The following LAMP2 variants were observed in gnomAD, a reference collection of about 807,000 sequenced individuals.
The protein encoded by LAMP2 is lysosome associated membrane protein 2.
LAMP2 carries 4 observed loss-of-function variants against 25.6 expected under a neutral mutation model. The ratio of observed to expected loss-of-function variants is 0.16; its 90% CI spans 0.08 to 0.36. The LOEUF (loss-of-function observed/expected upper bound fraction) is 0.36, where lower values mean the gene tolerates loss of function less well. Ranked by LOEUF, LAMP2 falls within the 10% of genes least tolerant of loss-of-function variation. The pLI is 1.00. For missense variants in LAMP2, 272 were observed against 301.4 expected, an observed-to-expected ratio of 0.90 and a Z score of 0.72; for synonymous variants, 108 against 112.7, an observed-to-expected ratio of 0.96 and a Z score of 0.27.
chrX:120,463,915 G>A (rs1205783797), intron 1 of LAMP2, among the ~76,000 whole-genome samples: 2 of 96,733 alleles, frequency 2.1e-5, no homozygotes, highest in East Asian at 3.3e-4. Context: ...TCTGTTTTTC[G>A]TTTTTTTTTT....
chrX:120,441,614 T>G (rs954159453), intron 8 of LAMP2, 116 bp downstream of exon 8: 1 of 612,210 alleles, frequency 1.6e-6, no homozygotes, highest in Non-Finnish European at 2.6e-6. Context: ...CACAATTTGG[T>G]CAAGGCTATG....
At chrX:120,466,814 T>C (rs1569373898) in intron 1 of LAMP2, among the ~76,000 whole-genome samples, 1 of 107,900 alleles carries the variant, frequency 9.3e-6, no homozygotes, top group Non-Finnish European at 1.9e-5. Flanking sequence ...AGGATGAGAG[T>C]GAAAAGGACA....
chrX:120,434,042 C>T (rs2058532914), intron 8 of LAMP2, among the ~76,000 whole-genome samples: 1 of 111,921 alleles, frequency 8.9e-6, no homozygotes, highest in Non-Finnish European at 1.9e-5. Context: ...CCAGATGTGA[C>T]CTGTGAATAG....
At chrX:120,466,555 T>G (rs1259923755) in intron 1 of LAMP2, among the ~76,000 whole-genome samples, 1 of 111,878 alleles carries the variant, frequency 8.9e-6, no homozygotes, top group Non-Finnish European at 1.9e-5. Context: ...CTTTCAGAAG[T>G]GCTACAGAAG....
rs1170179224 is a variant in LAMP2 at position 120,428,989 on chromosome X, ATAAT to A, written c.*2330_*2333del. On this transcript the variant is annotated 3_prime_UTR_variant, in exon 9 of 9. Transcript: ENST00000200639. ...TACTCTCTTTCTCTTCGTCACACCT[ATAAT>A]TAAAGTATAAATAAGAATTCTGTAT... The A allele has an allele frequency of 3.0e-6, 2 of 671,491 alleles. No homozygotes were observed. Among genetic ancestry groups the A allele is most frequent in the Admixed American group, 1.8e-4 (2 of 10,876 alleles). 55.3% of individuals were successfully genotyped at this position (671,491 alleles called of 1,213,427 possible).
At chrX:120,450,931 A>G (rs1300349542) in intron 3 of LAMP2, among the ~76,000 whole-genome samples, 1 of 109,705 alleles carries the variant, frequency 9.1e-6, no homozygotes, top group East Asian at 2.8e-4. Flanking sequence ...ACTTATATAT[A>G]TATAATTTTT....
At chrX:120,457,461 C>T (rs908110094) in intron 1 of LAMP2, among the ~76,000 whole-genome samples, 13 of 112,024 alleles carry the variant, frequency 1.2e-4, no homozygotes, top group African/African-American at 4.2e-4. Context: ...CTGATAAATG[C>T]AAAGTTCATC....
chrX:120,434,289 A>G (rs189025712), intron 8 of LAMP2, among the ~76,000 whole-genome samples: 2 of 112,390 alleles, frequency 1.8e-5, no homozygotes, highest in Non-Finnish European at 3.8e-5. Flanking sequence ...AATACTGCCA[A>G]TAAGGCTTTC....
chrX:120,434,534 A>G (rs147395214), intron 8 of LAMP2, among the ~76,000 whole-genome samples: 1,132 of 112,335 alleles, frequency 0.01, 16 homozygotes, highest in African/African-American at 0.034. Flanking sequence ...ATCTCATCCT[A>G]TAAGTCATTT....
In LAMP2 at chrX:120,428,587, A is replaced by G. The variant is rs1057515738; in HGVS notation, c.*2736T>C. On this transcript the variant is annotated 3_prime_UTR_variant, in exon 9 of 9. Coordinates refer to ENST00000200639, the MANE Select transcript of LAMP2 (RefSeq NM_002294.3). ...CAAGGCCACACCCACTGCAACAGGA[A>G]TAAGAAAGTTGAGGTCAGAGTCAGC... 2.2e-5 allele frequency: 26 copies of G among 1,199,938 alleles called. No homozygotes were observed. Among genetic ancestry groups the G allele is most frequent in the Middle Eastern group, 2.3e-4 (1 of 4,328 alleles).
intron 4 of LAMP2, 40 bp downstream of exon 4, chrX:120,448,930 T>G: frequency 8.7e-7 from 1 of 1,154,218 alleles, no homozygotes; most frequent in Non-Finnish European, 1.2e-6. Flanking sequence ...ACTCTACTCT[T>G]AAATTAGGAT....
At chrX:120,464,100 C>G (rs1921440471) in intron 1 of LAMP2, among the ~76,000 whole-genome samples, 1 of 110,978 alleles carries the variant, frequency 9.0e-6, no homozygotes, top group Admixed American at 9.6e-5. Context: ...GAAAACCTAA[C>G]TCTCCTCACC....
intron 1 of LAMP2, among the ~76,000 whole-genome samples, chrX:120,459,887 C>T (rs1427847078): frequency 8.9e-6 from 1 of 112,110 alleles, no homozygotes; most frequent in East Asian, 2.8e-4. Context: ...GGAAGCATTA[C>T]CAACAACATA....
In LAMP2 at chrX:120,429,621, T is replaced by TA. The variant is rs373005118; in HGVS notation, c.*1701dup. On this transcript the variant is annotated 3_prime_UTR_variant, in exon 9 of 9. Coordinates refer to ENST00000200639, the MANE Select transcript of LAMP2 (RefSeq NM_002294.3). ...CTACTGAAAAAGCCCATATTAGTAT[T>TA]AAAAAAAAAACTTAAGCAAAACATA... 6,851 of 560,940 alleles carry TA rather than the reference T, an allele frequency of 0.012. 13 individuals are homozygous for TA. Among genetic ancestry groups the TA allele is most frequent in the East Asian group, 0.043 (239 of 5,617 alleles). The allele number at this position is 560,940 out of a possible 1,213,427, so 46.2% of individuals were successfully genotyped here.
In LAMP2 at chrX:120,455,473, G is replaced by T. The variant is rs1348977041; in HGVS notation, c.281C>A (p.Pro94His). Residue 94 changes from proline to histidine, a missense_variant, in exon 3 of 9, where the codon CCT becomes CAT. Coordinates refer to ENST00000200639, the MANE Select transcript of LAMP2 (RefSeq NM_002294.3). ...AAAATTCGCAATCCAGGAAAAGCCA[G>T]GTCCGAACTGCACTGCTATTTTGGG... Reference protein sequence around the residue: ...NGPKIAVQFGPGFSWIANFTK... With the variant: ...NGPKIAVQFGHGFSWIANFTK... 2 of 1,207,177 alleles carry T rather than the reference G, an allele frequency of 1.7e-6. No individual in the cohort carries two copies. The highest frequency in any genetic ancestry group is 3.5e-5 in the African/African-American group (2 of 56,812).
At chrX:120,437,241 T>C (rs2058548818) in intron 8 of LAMP2, 1 of 732,427 alleles carries the variant, frequency 1.4e-6, no homozygotes, top group Admixed American at 9.0e-5. Flanking sequence ...AATTCCAATA[T>C]AACTCAGTTA....
At chrX:120,444,146 AG>A (rs1457151393) in intron 6 of LAMP2, among the ~76,000 whole-genome samples, 3 of 111,969 alleles carry the variant, frequency 2.7e-5, no homozygotes, top group African/African-American at 9.7e-5. Context: ...GGAGAAGGTG[AG>A]GAAGAGGAGC....
rs147825361 is a variant in LAMP2, at chrX:120,430,080, T to G, written c.*1243A>C. On this transcript the variant is annotated 3_prime_UTR_variant, in exon 9 of 9. Transcript: ENST00000200639. Reference sequence around the variant, plus strand: ...AAAGACTGACAGCTGGGTAACAAGATACACTGTATTGTTAATCAGGAAGTT... The same window carrying G: ...AAAGACTGACAGCTGGGTAACAAGAGACACTGTATTGTTAATCAGGAAGTT... The G allele has an allele frequency of 2.5e-5, 19 of 751,031 alleles. No individual in the cohort carries two copies. The highest frequency in any genetic ancestry group is 3.0e-5 in the Non-Finnish European group (19 of 637,162). 61.9% of individuals were successfully genotyped at this position (751,031 alleles called of 1,213,427 possible). A position where few individuals can be genotyped will look rare whatever the true frequency, so the allele number is the denominator to read the frequency against.
In LAMP2 at chrX:120,449,147, A is replaced by C. The variant is rs1448742770; in HGVS notation, c.398-19T>G. ...AGAATTCCTATAAAACAAGATTAAC[A>C]ATGGCTATTTCCAAGAAGGTAGGAG... is the stretch of plus-strand genomic sequence containing the variant. On this transcript the variant is annotated intron_variant, in intron 3 of 8. Transcript: ENST00000200639. The C allele has an allele frequency of 8.6e-7, 1 of 1,157,903 alleles. No homozygotes were observed. The highest frequency in any genetic ancestry group is 1.2e-6 in the Non-Finnish European group (1 of 847,351).
Sources: allele counts gnomAD v4.1 joint callset (sites outside exome capture counted in the v4.1 genomes callset), GRCh38; gene constraint gnomAD v4.1.1; transcripts MANE v1.5; gene names NCBI Gene and HGNC (gene_info 2026-07-23, HGNC 2026-07-21).